Variants in COL14A1 observed in about 807,000 individuals in gnomAD.
COL14A1 encodes the protein collagen type XIV alpha 1 chain, also known as collagen alpha-1(XIV) chain.
COL14A1 carries 136 observed loss-of-function variants against 230.3 expected under a neutral mutation model. That is an observed-to-expected ratio of 0.59 (90% CI 0.51 to 0.68). The LOEUF (loss-of-function observed/expected upper bound fraction) is 0.68. COL14A1 is among the 30% of genes least tolerant of loss of function. The pLI is 0.00. For synonymous variants in COL14A1, 792 were observed against 784.1 expected (o/e 1.01, Z -0.17); for missense variants, 1,976 against 2,215.8 (o/e 0.89, Z 2.17).
intron 40 of COL14A1, among the ~76,000 whole-genome samples, chr8:120,318,059 T>C (rs1821296091): frequency 1.3e-5 from 2 of 152,164 alleles, no homozygotes; most frequent in Non-Finnish European, 2.9e-5. Flanking sequence ...GAAGGCAATA[T>C]CATTTCAATG....
At chr8:120,276,747 A>G (rs968166006) in intron 26 of COL14A1, among the ~76,000 whole-genome samples, 2 of 151,934 alleles carry the variant, frequency 1.3e-5, no homozygotes, top group Non-Finnish European at 2.9e-5. Context: ...TGACGAGTTA[A>G]TGGGTGCAGC....
At position 120,227,235 on chromosome 8, in the gene COL14A1, G is replaced by A. The variant is rs772934883; in HGVS notation, c.2020G>A (p.Glu674Lys). ...TATATTTCAGGTTGTCCTGAAAGAA[G>A]AGCAGGACTCACATGTTATTGAAGG... ...GKTEEVVLKE[E>K]QDSHVIEGLE... is the part of the protein sequence containing the mutation. The change falls in exon 17 of 48, where the codon GAG becomes AAG. Residue 674 changes from glutamate to lysine, a missense_variant. By Grantham distance (56) the Glu-to-Lys change is moderately conservative. Coordinates refer to ENST00000297848, the MANE Select transcript of COL14A1 (RefSeq NM_021110.4). The A allele has an allele frequency of 5.6e-6, 9 of 1,613,920 alleles. No homozygotes were observed. In the South Asian group the frequency reaches 6.6e-5, roughly 12 times the overall value.
In COL14A1 at chr8:120,171,837, C is replaced by T. The variant is rs796526205; in HGVS notation, c.436+3590C>T. Among the ~76,000 whole-genome samples the T allele has an allele frequency of 8.4e-4, 128 of 152,152 alleles. 1 individual carries two copies. Among genetic ancestry groups the T allele is most frequent in the African/African-American group, 3.0e-3 (125 of 41,544 alleles). On this transcript the variant is annotated intron_variant, in intron 5 of 47. Coordinates refer to ENST00000297848, the MANE Select transcript of COL14A1 (RefSeq NM_021110.4). ...ATCTCAATTAGATTTATGACAGTTT[C>T]TTTTGACAATCTATGTCTTTTAATA...
At chr8:120,165,206 C>T (rs529589359) in intron 4 of COL14A1, among the ~76,000 whole-genome samples, 3 of 152,156 alleles carry the variant, frequency 2.0e-5, no homozygotes, top group Non-Finnish European at 4.4e-5. Context: ...TATTCTTGCT[C>T]TCTGTGAGAC....
chr8:120,318,099 A>T (rs1374989229), intron 40 of COL14A1, among the ~76,000 whole-genome samples: 1 of 152,200 alleles, frequency 6.6e-6, no homozygotes, highest in Non-Finnish European at 1.5e-5. Flanking sequence ...ATTCACACAG[A>T]ATAAAACATA....
chr8:120,165,182 T>C (rs1299125348), intron 4 of COL14A1, among the ~76,000 whole-genome samples: 1 of 152,232 alleles, frequency 6.6e-6, no homozygotes, highest in Non-Finnish European at 1.5e-5. Context: ...CTTTTCCCTT[T>C]TGCATTTCAT....
Position 120,225,100 on chromosome 8 carries a change from C to A in COL14A1, c.1750C>A (p.Pro584Thr), listed in dbSNP as rs1251217532. The A allele has an allele frequency of 6.2e-7, 1 of 1,610,592 alleles. No homozygotes were observed. Among genetic ancestry groups the A allele is most frequent in the East Asian group, 2.2e-5 (1 of 44,716 alleles). The stretch of plus-strand genomic sequence containing the variant: ...ATTTCTTTGACAGGTTGAAGTCGAT[C>A]CTATTACTACCTTCCCTCTGAAGGG... ...GTEINEVEVD[P>T]ITTFPLKGLT... The change falls in exon 15 of 48, where the codon CCT becomes ACT. Residue 584 changes from proline (P) to threonine (T), a missense_variant. Around this residue, in one of 3 missense-constraint regions of COL14A1, gnomAD observed 1,791 missense variants for 2,019.5 expected, o/e 0.89. Transcript: ENST00000297848.
At chr8:120,191,940 T>G (rs1816841124) in intron 5 of COL14A1, among the ~76,000 whole-genome samples, 1 of 151,988 alleles carries the variant, frequency 6.6e-6, no homozygotes, top group South Asian at 2.1e-4. Context: ...TATGTATGTC[T>G]CTGCACGTGA....
chr8:120,244,081 C>T, intron 20 of COL14A1, 73 bp downstream of exon 20: 1 of 1,517,304 alleles, frequency 6.6e-7, no homozygotes, highest in Non-Finnish European at 8.9e-7. Context: ...GTAATGCACC[C>T]TGAAAGATAC....
At chr8:120,148,845 C>G in intron 2 of COL14A1, among the ~76,000 whole-genome samples, 1 of 152,108 alleles carries the variant, frequency 6.6e-6, no homozygotes, top group East Asian at 1.9e-4. Context: ...TTTTGATTTC[C>G]ATTCATTTTT....
chr8:120,235,270 A>G (rs1202773714), intron 19 of COL14A1, among the ~76,000 whole-genome samples: 4 of 152,014 alleles, frequency 2.6e-5, no homozygotes, highest in Non-Finnish European at 5.9e-5. Flanking sequence ...CCTGGGTTCC[A>G]GCGATTCTCC....
chr8:120,155,443 G>T (rs906558755), intron 2 of COL14A1, among the ~76,000 whole-genome samples: 10 of 152,132 alleles, frequency 6.6e-5, no homozygotes, highest in African/African-American at 2.2e-4. Flanking sequence ...GATGTTGAGG[G>T]CTATAAACTC....
intron 22 of COL14A1, among the ~76,000 whole-genome samples, chr8:120,251,369 A>C (rs550073745): frequency 1.3e-5 from 2 of 152,186 alleles, no homozygotes; most frequent in Non-Finnish European, 2.9e-5. Context: ...CCAATGTCAA[A>C]GTTGGAGCAG....
At chr8:120,296,138 A>G (rs1820523422) in intron 34 of COL14A1, among the ~76,000 whole-genome samples, 1 of 151,802 alleles carries the variant, frequency 6.6e-6, no homozygotes, top group East Asian at 1.9e-4. Context: ...CTCAGTTATC[A>G]TACTCTTGGA....
At chr8:120,240,163 C>T (rs1454815894) in intron 19 of COL14A1, among the ~76,000 whole-genome samples, 2 of 140,616 alleles carry the variant, frequency 1.4e-5, no homozygotes, top group East Asian at 4.4e-4. Flanking sequence ...TTTGGTGGTG[C>T]TTATTTGCTT....
At chr8:120,193,073 G>A (rs1351107543) in intron 5 of COL14A1, among the ~76,000 whole-genome samples, 3 of 152,312 alleles carry the variant, frequency 2.0e-5, no homozygotes, top group Non-Finnish European at 4.4e-5. Flanking sequence ...GTCCAGCTTT[G>A]TTCTGTTGCT....
rs1165003967 is a variant in COL14A1 at position 120,226,610 on chromosome 8, C to T, written c.1865-17C>T. 3 of 1,612,154 alleles carry T rather than the reference C, an allele frequency of 1.9e-6. No homozygotes were observed. The highest frequency in any genetic ancestry group is 2.5e-6 in the Non-Finnish European group (3 of 1,178,824). On this transcript the variant is annotated splice_polypyrimidine_tract_variant and intron_variant, in intron 15 of 47. Transcript: ENST00000297848. Reference sequence around the variant, plus strand: ...CCTTCTCATTTCCCTAACAAAACCTCCTTCCTCGGTTTACAGAGGAAGTTC... The same window carrying T: ...CCTTCTCATTTCCCTAACAAAACCTTCTTCCTCGGTTTACAGAGGAAGTTC...
intron 2 of COL14A1, among the ~76,000 whole-genome samples, chr8:120,149,073 GA>G (rs1314248478): frequency 2.6e-5 from 4 of 152,336 alleles, no homozygotes; most frequent in East Asian, 1.9e-4. Flanking sequence ...GCTAACTTCT[GA>G]ATATGCACAA....
At chr8:120,346,979 T>A (rs1470019101) in intron 45 of COL14A1, among the ~76,000 whole-genome samples, 1 of 152,154 alleles carries the variant, frequency 6.6e-6, no homozygotes, top group Non-Finnish European at 1.5e-5. Context: ...GAAAATGGCA[T>A]CATTCCCTCA....
Sources: gnomAD v4.1 joint callset for allele counts (sites outside exome capture counted in the v4.1 genomes callset) on GRCh38, gnomAD v4.1.1 for gene constraint, gnomAD v4.1.1 regional missense constraint, MANE v1.5 for transcripts, NCBI Gene and HGNC (gene_info 2026-07-23, HGNC 2026-07-21) for gene names.